Variants in PLET1 observed in about 807,000 individuals in gnomAD.
PLET1 encodes placenta expressed transcript 1.
In PLET1, 20 loss-of-function variants were observed where a neutral mutation model predicts 18.5. That is an observed-to-expected ratio of 1.08 (90% CI 0.76 to 1.57). PLET1 has a LOEUF of 1.57. Ranked by LOEUF, PLET1 falls within the 40% of genes most tolerant of loss-of-function variation. The probability of loss-of-function intolerance (pLI) is 0.00; values close to 1 mark genes in which losing one functional copy is unlikely to be tolerated. For missense variants in PLET1, 256 were observed against 246.4 expected (o/e 1.04, Z -0.26); for synonymous variants, 93 against 93.8 (o/e 0.99, Z 0.05).
At chr11:112,258,078 A>C (rs901007258) in intron 1 of PLET1, among the ~76,000 whole-genome samples, 4 of 152,252 alleles carry the variant, frequency 2.6e-5, no homozygotes, top group East Asian at 1.9e-4. Flanking sequence ...TTGGGGGTAC[A>C]TGGCATAAGT....
At position 112,260,435 on chromosome 11, in the gene PLET1, T is replaced by C. The variant is rs556362630; in HGVS notation, c.155A>G (p.His52Arg). 6.4e-5 allele frequency: 99 copies of C among 1,551,864 alleles called. No homozygotes were observed. Among genetic ancestry groups the C allele is most frequent in the African/African-American group, 5.6e-4 (41 of 73,184 alleles). The change falls in exon 1 of 4, where the codon CAT (histidine) becomes CGT (arginine). Residue 52 changes from histidine to arginine, a missense_variant. Physicochemically the swap from His to Arg is conservative, Grantham distance 29 (BLOSUM62 0). Coordinates refer to ENST00000338832, the MANE Select transcript of PLET1 (RefSeq NM_001145024.1). ...ATAGACTGCATTGCTTTCGTAGATA[T>C]GTGAACTGGCCTTGATGTCTAGGGT... Reference protein sequence around the residue: ...TITLDIKASSHIYESNAVYSV... With the variant: ...TITLDIKASSRIYESNAVYSV...
intron 2 of PLET1, among the ~76,000 whole-genome samples, chr11:112,252,926 A>AT (rs1337875757): frequency 1.3e-5 from 2 of 152,138 alleles, no homozygotes; most frequent in Non-Finnish European, 2.9e-5. Context: ...TTGGTCTGTT[A>AT]TCCTATCAAT....
At chr11:112,259,507 T>A (rs1860263471) in intron 1 of PLET1, among the ~76,000 whole-genome samples, 1 of 152,182 alleles carries the variant, frequency 6.6e-6, no homozygotes, top group Non-Finnish European at 1.5e-5. Flanking sequence ...TGGACACCTC[T>A]AAGAAAAGCA....
intron 2 of PLET1, among the ~76,000 whole-genome samples, chr11:112,254,564 T>TGTG (rs60623811): frequency 0.68 from 93,351 of 137,106 alleles, 32,293 homozygotes; most frequent in South Asian, 0.79. Flanking sequence ...GTATATGTGA[T>TGTG]GTGCGTGTGG....
chr11:112,248,910 A>T lies in PLET1; in HGVS notation c.513T>A (p.Ile171=). The change falls in exon 4 of 4, where the codon ATT becomes ATA. Residue 171 remains isoleucine (I), a synonymous_variant. Coordinates refer to ENST00000338832, the MANE Select transcript of PLET1 (RefSeq NM_001145024.1). ...QSSAFKPFFM[I]TPKSIRLEGL... ...CTTCGAGTCTGATACTCTTGGGTGT[A>T]ATCATGAAGAAAGGCTTGAAGGCTG... is the stretch of plus-strand genomic sequence containing the variant. The T allele has an allele frequency of 6.4e-7, 1 of 1,551,390 alleles. No homozygotes were observed. Among genetic ancestry groups the T allele is most frequent in the Non-Finnish European group, 8.7e-7 (1 of 1,146,966 alleles).
chr11:112,250,712 T>C (rs547918762), intron 3 of PLET1, among the ~76,000 whole-genome samples: 15 of 152,128 alleles, frequency 9.9e-5, no homozygotes, highest in South Asian at 4.1e-4. Flanking sequence ...GTAAACTATC[T>C]CTTTTCACTA....
chr11:112,260,651 T>C lies in PLET1; in HGVS notation c.-62A>G. On this transcript the variant is annotated 5_prime_UTR_variant, in exon 1 of 4. Transcript: ENST00000338832. ...TGGGTGAAACTGACAACTCACCTCT[T>C]GTTTATATGCCAGGGCTTCTGGGTG... 2 of 1,405,208 alleles carry C rather than the reference T, an allele frequency of 1.4e-6. No individual in the cohort carries two copies. Among genetic ancestry groups the C allele is most frequent in the Non-Finnish European group, 9.7e-7 (1 of 1,031,576 alleles). The allele number at this position is 1,405,208 out of a possible 1,614,324, so 87.0% of individuals were successfully genotyped here. A position where few individuals can be genotyped will look rare whatever the true frequency, so the allele number is the denominator to read the frequency against.
In PLET1 at chr11:112,248,894, T is replaced by G. The variant is rs1008962522; in HGVS notation, c.529A>C (p.Arg177=). The G allele has an allele frequency of 1.2e-5, 19 of 1,551,414 alleles. No individual in the cohort carries two copies. The highest frequency in any genetic ancestry group is 1.6e-5 in the Non-Finnish European group (18 of 1,146,968). ...PFFMITPKSI[R]LEGLANQVFS... is the part of the protein sequence containing the mutation. ...ACTTGGTTGGCCAAGCCTTCGAGTC[T>G]GATACTCTTGGGTGTAATCATGAAG... Residue 177 remains arginine, a synonymous_variant, in exon 4 of 4, where the codon AGA becomes CGA. Transcript: ENST00000338832.
At chr11:112,250,617 G>T (rs906178826) in intron 3 of PLET1, among the ~76,000 whole-genome samples, 1 of 152,098 alleles carries the variant, frequency 6.6e-6, no homozygotes, top group African/African-American at 2.4e-5. Context: ...CATAGACAAG[G>T]CCCCTATACA....
chr11:112,255,644 C>T (rs1860218080), intron 1 of PLET1, 55 bp from the exon 2 acceptor site: 5 of 1,449,496 alleles, frequency 3.4e-6, no homozygotes, highest in East Asian at 5.0e-5. Flanking sequence ...GAGCCAAGCT[C>T]GAGGGATGAG....
At position 112,254,287 on chromosome 11, in the gene PLET1, GTA is replaced by G. The variant is rs1198119403; in HGVS notation, c.386+1099_386+1100del. On this transcript the variant is annotated intron_variant, in intron 2 of 3. Coordinates refer to ENST00000338832, the MANE Select transcript of PLET1 (RefSeq NM_001145024.1). ...GGTGTCTGTAAGGTGTGTAGTGTGT[GTA>G]TGTGTGTGGTGTGTAGTGTGAGTAG... 2.0e-5 allele frequency among the ~76,000 whole-genome samples: 3 copies of G among 148,346 alleles called. No individual in the cohort carries two copies. In the East Asian group the frequency reaches 6.0e-4, roughly 30 times the overall value.
In PLET1 at chr11:112,260,848, T is replaced by TA. The variant is rs1860282652; in HGVS notation, c.-260dup. On this transcript the variant is annotated 5_prime_UTR_variant, in exon 1 of 4. It introduces an in-frame stop codon into an upstream open reading frame of the 5' UTR. Transcript: ENST00000338832. ...GAATGTCCTGAATATGGTTTTCTTT[T>TA]ACGCCTGTCATTTCAGCATCTGCTG... is the stretch of plus-strand genomic sequence containing the variant. 1 of 453,078 alleles carries TA rather than the reference T, an allele frequency of 2.2e-6. No individual in the cohort carries two copies. The highest frequency in any genetic ancestry group is 3.9e-6 in the Non-Finnish European group (1 of 254,516). 28.1% of individuals were successfully genotyped at this position (453,078 alleles called of 1,614,324 possible).
intron 1 of PLET1, among the ~76,000 whole-genome samples, chr11:112,258,269 ATTTC>A (rs1181071782): frequency 1.0e-3 from 143 of 139,590 alleles, no homozygotes; most frequent in African/African-American, 3.5e-3. Flanking sequence ...CATATGATAG[ATTTC>A]TTTCTTTCTT....
intron 2 of PLET1, 134 bp from the exon 3 acceptor site, chr11:112,252,543 A>AGTAT: frequency 2.7e-6 from 2 of 735,334 alleles, no homozygotes; most frequent in Non-Finnish European, 4.5e-6. Flanking sequence ...TGAGCAGATC[A>AGTAT]TTAAATACTG....
chr11:112,256,471 C>T (rs937810081), intron 1 of PLET1, among the ~76,000 whole-genome samples: 3 of 152,268 alleles, frequency 2.0e-5, no homozygotes, highest in East Asian at 1.9e-4. Context: ...CTCTGAGCCT[C>T]GGTTTCCTTA....
In PLET1 at chr11:112,248,835, G is replaced by A. The variant is rs1272925194; in HGVS notation, c.588C>T (p.Ile196=). ...FSSPITEAIY[I]LLAFLTSTLL... is the part of the protein sequence containing the mutation. ...GTGTGCTGGTGAGAAAAGCAAGCAGGATATAAATGGCCTCTGTGATGGGGC... is the reference window on the plus strand; with the variant it reads ...GTGTGCTGGTGAGAAAAGCAAGCAGAATATAAATGGCCTCTGTGATGGGGC... Residue 196 remains isoleucine (I), a synonymous_variant, in exon 4 of 4, where the codon ATC becomes ATT. Coordinates refer to ENST00000338832, the MANE Select transcript of PLET1 (RefSeq NM_001145024.1). 1 of 1,551,472 alleles carries A rather than the reference G, an allele frequency of 6.4e-7. No individual in the cohort carries two copies. The highest frequency in any genetic ancestry group is 1.4e-5 in the African/African-American group (1 of 73,010).
intron 1 of PLET1, among the ~76,000 whole-genome samples, chr11:112,258,281 CTT>C (rs35254168): frequency 0.017 from 1,643 of 97,674 alleles, 12 homozygotes; most frequent in Middle Eastern, 0.064. Flanking sequence ...TTCTTTCTTT[CTT>C]TTTTTTTTTT....
At chr11:112,249,028 C>A (rs538907903) in intron 3 of PLET1, 54 bp from the exon 4 acceptor site, 2 of 1,500,546 alleles carry the variant, frequency 1.3e-6, no homozygotes, top group Non-Finnish European at 1.8e-6. Flanking sequence ...TCGGAACCTC[C>A]GTTGGGTGGT....
intron 3 of PLET1, among the ~76,000 whole-genome samples, chr11:112,250,040 C>T (rs573509894): frequency 2.0e-5 from 3 of 150,548 alleles, no homozygotes; most frequent in African/African-American, 7.3e-5. Context: ...GAGTCTTCTT[C>T]CCGCCTGGAG....
Sources: allele counts gnomAD v4.1 joint callset (sites outside exome capture counted in the v4.1 genomes callset), GRCh38; gene constraint gnomAD v4.1.1; transcripts MANE v1.5; gene names NCBI Gene and HGNC (gene_info 2026-07-23, HGNC 2026-07-21).